The following ACAA2 variants were observed in gnomAD, a reference collection of about 807,000 sequenced individuals.
ACAA2 encodes the protein 3-ketoacyl-CoA thiolase, mitochondrial.
ACAA2 carries 35 observed loss-of-function variants against 44.8 expected under a neutral mutation model. That is an observed-to-expected ratio of 0.78 (90% CI 0.60 to 1.04). ACAA2 has a LOEUF of 1.04. ACAA2 is among the 50% of genes least tolerant of loss of function. The pLI, the probability that ACAA2 is intolerant of heterozygous loss-of-function variation, is 0.00. For synonymous variants in ACAA2, 142 were observed against 166.5 expected, an observed-to-expected ratio of 0.85 and a Z score of 1.13; for missense variants, 468 against 482.6, an observed-to-expected ratio of 0.97 and a Z score of 0.28.
intron 1 of ACAA2, among the ~76,000 whole-genome samples, chr18:49,811,689 A>G (rs1377357270): frequency 6.6e-6 from 1 of 152,166 alleles, no homozygotes; most frequent in African/African-American, 2.4e-5. Context: ...GCTGGCCTGT[A>G]ACATCACTAT....
intron 7 of ACAA2, among the ~76,000 whole-genome samples, chr18:49,790,742 A>C (rs1447482869): frequency 6.6e-6 from 1 of 152,194 alleles, no homozygotes. Context: ...TTCTAAATCA[A>C]ATATTTTAAG....
intron 2 of ACAA2, among the ~76,000 whole-genome samples, chr18:49,801,729 C>CAT (rs1383026748): frequency 2.1e-5 from 3 of 139,668 alleles, no homozygotes; most frequent in Admixed American, 1.5e-4. Flanking sequence ...ATATATGTAT[C>CAT]ATATATATAT....
intron 1 of ACAA2, among the ~76,000 whole-genome samples, chr18:49,804,907 C>T (rs1433921964): frequency 1.3e-5 from 2 of 152,178 alleles, no homozygotes. Flanking sequence ...TATCAGTAAG[C>T]AGCATCAGTT....
chr18:49,793,663 T>G (rs1305045986), intron 5 of ACAA2, among the ~76,000 whole-genome samples: 1 of 152,250 alleles, frequency 6.6e-6, no homozygotes, highest in Non-Finnish European at 1.5e-5. Flanking sequence ...ACAGTTTAAT[T>G]TTTTAAATAT....
Position 49,791,601 on chromosome 18 carries a change from T to C in ACAA2, c.754-2A>G, listed in dbSNP as rs1373396546. 2 of 1,612,134 alleles carry C rather than the reference T, an allele frequency of 1.2e-6. No individual in the cohort carries two copies. The highest frequency in any genetic ancestry group is 3.3e-5 in the Admixed American group (2 of 59,714). Reference sequence around the variant, plus strand: ...AGCTCCAGCACCATCAGCTACACCCTTGAAAATAAAAATACTAGATTAACT... The same window carrying C: ...AGCTCCAGCACCATCAGCTACACCCCTGAAAATAAAAATACTAGATTAACT... On this transcript the variant is annotated splice_acceptor_variant, in intron 6 of 9. Coordinates refer to ENST00000285093, the MANE Select transcript of ACAA2 (RefSeq NM_006111.3). LOFTEE classifies it high-confidence loss of function.
intron 1 of ACAA2, among the ~76,000 whole-genome samples, chr18:49,806,267 T>G (rs1186931450): frequency 6.6e-6 from 1 of 152,190 alleles, no homozygotes; most frequent in African/African-American, 2.4e-5. Context: ...CACTAGAAAG[T>G]GAATGAGAAT....
chr18:49,802,359 C>T (rs1162543131), intron 2 of ACAA2, among the ~76,000 whole-genome samples: 6 of 151,918 alleles, frequency 3.9e-5, no homozygotes, highest in African/African-American at 1.2e-4. Context: ...GTCAAGAGAT[C>T]GAGACCATCC....
Position 49,791,483 on chromosome 18 carries a change from A to G in ACAA2, c.870T>C (p.Ser290=), listed in dbSNP as rs753950522. ...VGYFVSGCDP[S]IMGIGPVPAI... ...CTATAAACTTACCAATACCCATGAT[A>G]GAGGGATCACATCCAGATACAAAGT... Residue 290 remains serine, a synonymous_variant, in exon 7 of 10, where the codon TCT becomes TCC. Coordinates refer to ENST00000285093, the MANE Select transcript of ACAA2 (RefSeq NM_006111.3). 26 of 1,611,742 alleles carry G rather than the reference A, an allele frequency of 1.6e-5. No homozygotes were observed. The highest frequency in any genetic ancestry group is 2.0e-5 in the Non-Finnish European group (24 of 1,179,668).
chr18:49,808,293 A>G (rs542849933), intron 1 of ACAA2, among the ~76,000 whole-genome samples: 3 of 152,364 alleles, frequency 2.0e-5, no homozygotes, highest in Non-Finnish European at 4.4e-5. Context: ...ACACTTTGGC[A>G]GTTTCTTATA....
intron 1 of ACAA2, among the ~76,000 whole-genome samples, chr18:49,803,222 C>T (rs2023575374): frequency 7.0e-6 from 1 of 142,352 alleles, no homozygotes. Context: ...GGTGCCACCA[C>T]CCGGCCCTGG....
Position 49,808,381 on chromosome 18 carries a change from G to C in ACAA2, c.16+5088C>G, listed in dbSNP as rs112842505. Among the ~76,000 whole-genome samples, 696 of 152,312 alleles carry C rather than the reference G, an allele frequency of 4.6e-3. 5 individuals carry two copies. The highest frequency in any genetic ancestry group is 0.015 in the African/African-American group (616 of 41,556). ...TTACCTAAATGATTTGAAAACTTAT[G>C]TTCAAACAAAAACCTGCAAACAAAT... On this transcript the variant is annotated intron_variant, in intron 1 of 9. Transcript: ENST00000285093.
At chr18:49,788,978 A>G (rs374431513) in intron 7 of ACAA2, among the ~76,000 whole-genome samples, 8 of 152,276 alleles carry the variant, frequency 5.3e-5, no homozygotes, top group African/African-American at 1.9e-4. Context: ...TGGGTTTTCC[A>G]CCTTTTTCTC....
chr18:49,785,497 T>C lies in ACAA2; in HGVS notation c.955-146A>G. 8.0e-6 allele frequency: 6 copies of C among 753,460 alleles called. No homozygotes were observed. The South Asian group carries it at 1.1e-4, about 14-fold the overall frequency. 46.7% of individuals were successfully genotyped at this position (753,460 alleles called of 1,614,324 possible). ...AAAGTTATTTTATCTACAATCATTC[T>C]GCATAAAGCTATCAGGTTTAAAATG... On this transcript the variant is annotated intron_variant, in intron 8 of 9. Transcript: ENST00000285093.
Position 49,785,220 on chromosome 18 carries a change from A to C in ACAA2, c.1086T>G (p.Thr362=). 6.2e-7 allele frequency: 1 copy of C among 1,613,404 alleles called. No individual in the cohort carries two copies. Among genetic ancestry groups the C allele is most frequent in the African/African-American group, 1.3e-5 (1 of 74,992 alleles). Residue 362 remains threonine (T), a synonymous_variant, in exon 9 of 10, where the codon ACT becomes ACG. Transcript: ENST00000285093. ...HPLGGSGSRI[T]AHLVHELRRR... The stretch of plus-strand genomic sequence containing the variant: ...ACCTTAATTCGTGAACCAGGTGTGC[A>C]GTAATTCTTGATCCAGATCCTCCCA...
Position 49,813,480 on chromosome 18 carries a change from G to C in ACAA2, c.5C>G (p.Ala2Gly). 8.0e-7 allele frequency: 1 copy of C among 1,242,320 alleles called. No individual in the cohort carries two copies. Among genetic ancestry groups the C allele is most frequent in the Non-Finnish European group, 1.0e-6 (1 of 988,066 alleles). The allele number at this position is 1,242,320 out of a possible 1,614,324, so 77.0% of individuals were successfully genotyped here. ...GGGGCTGCGCTCACCTCGGAGCAGA[G>C]CCATGGCGGCTGCTGGGTCGTCGGC... M[A>G]LLRGVFVVAA... Residue 2 changes from alanine to glycine, a missense_variant, in exon 1 of 10, where the codon GCT (alanine) becomes GGT (glycine). Ala to Gly is a moderately conservative substitution (Grantham distance 60, BLOSUM62 0). Transcript: ENST00000285093.
intron 8 of ACAA2, 25 bp downstream of exon 8, chr18:49,787,266 A>AC: frequency 7.1e-7 from 1 of 1,414,624 alleles, no homozygotes; most frequent in South Asian, 1.5e-5. Flanking sequence ...TTGTTAAAAA[A>AC]AAAAAAAAAA....
chr18:49,788,394 A>G (rs11082781), intron 7 of ACAA2, among the ~76,000 whole-genome samples: 10,504 of 152,286 alleles, frequency 0.069, 865 homozygotes, highest in East Asian at 0.29. Context: ...AAACCTAAAT[A>G]TAATATTTAT....
At chr18:49,785,141 C>T in intron 9 of ACAA2, 56 bp downstream of exon 9, 1 of 1,585,324 alleles carries the variant, frequency 6.3e-7, no homozygotes, top group Non-Finnish European at 8.6e-7. Context: ...AAGCCTAAAT[C>T]CATGCATTTC....
intron 9 of ACAA2, among the ~76,000 whole-genome samples, chr18:49,784,265 AGAG>A (rs1270053009): frequency 6.6e-6 from 1 of 152,242 alleles, no homozygotes; most frequent in Non-Finnish European, 1.5e-5. Context: ...AGGAGTGAGA[AGAG>A]GAGGTAACTG....
Sources: allele counts gnomAD v4.1 joint callset (sites outside exome capture counted in the v4.1 genomes callset), GRCh38; gene constraint gnomAD v4.1.1; transcripts MANE v1.5; gene names NCBI Gene and HGNC (gene_info 2026-07-23, HGNC 2026-07-21).